The following MEI4 variants were observed in gnomAD, a reference collection of about 807,000 sequenced individuals.
MEI4 encodes meiotic double-stranded break formation protein 4, also known as meiosis-specific protein MEI4.
MEI4 carries 27 observed loss-of-function variants against 31.4 expected under a neutral mutation model. That is an observed-to-expected ratio of 0.86 (90% confidence interval 0.63 to 1.19). MEI4 has a LOEUF of 1.19. MEI4 is among the 50% of genes most tolerant of loss of function. The pLI is 0.00. For synonymous variants in MEI4, 122 were observed against 145.4 expected (o/e 0.84, Z 1.16); for missense variants, 329 against 398.9 (o/e 0.82, Z 1.49).
At chr6:77,804,629 T>C (rs1486583686) in intron 3 of MEI4, among the ~76,000 whole-genome samples, 2 of 152,202 alleles carry the variant, frequency 1.3e-5, no homozygotes, top group African/African-American at 4.8e-5. Flanking sequence ...TTCTTTTTGC[T>C]TTATTAGTAG....
intron 4 of MEI4, among the ~76,000 whole-genome samples, chr6:77,913,654 G>A (rs955099663): frequency 1.3e-5 from 2 of 150,256 alleles, no homozygotes; most frequent in African/African-American, 2.4e-5. Context: ...ATTTCTGCTT[G>A]TATTTATTTG....
chr6:77,849,949 T>A (rs1770576214), intron 4 of MEI4, among the ~76,000 whole-genome samples: 1 of 152,184 alleles, frequency 6.6e-6, no homozygotes, highest in Admixed American at 6.6e-5. Context: ...TATTAAAGTA[T>A]AAAAGCAGTG....
chr6:77,668,811 C>G (rs1442458451), intron 1 of MEI4, among the ~76,000 whole-genome samples: 4 of 152,146 alleles, frequency 2.6e-5, no homozygotes, highest in African/African-American at 9.7e-5. Flanking sequence ...TATAATCTAT[C>G]ATACCATAAC....
intron 4 of MEI4, among the ~76,000 whole-genome samples, 160 bp from the exon 5 acceptor site, chr6:77,922,929 A>ATGT (rs1200710736): frequency 2.0e-5 from 3 of 151,746 alleles, no homozygotes; most frequent in African/African-American, 4.8e-5. Flanking sequence ...AATAAAGGAA[A>ATGT]TGTTTTTTAT....
chr6:77,675,889 G>A (rs1768835926), intron 1 of MEI4, among the ~76,000 whole-genome samples: 1 of 152,144 alleles, frequency 6.6e-6, no homozygotes, highest in South Asian at 2.1e-4. Flanking sequence ...TGTCCCTGAG[G>A]TGTTTCATTG....
At chr6:77,831,437 C>T (rs1428475401) in intron 4 of MEI4, among the ~76,000 whole-genome samples, 1 of 151,670 alleles carries the variant, frequency 6.6e-6, no homozygotes, top group South Asian at 2.1e-4. Context: ...CCGGCACTCA[C>T]ATGCTCACAG....
chr6:77,907,590 A>G (rs17348123), intron 4 of MEI4, among the ~76,000 whole-genome samples: 2 of 152,180 alleles, frequency 1.3e-5, no homozygotes, highest in Non-Finnish European at 2.9e-5. Flanking sequence ...TAGTGCTGCA[A>G]TAAACATATG....
Position 77,735,100 on chromosome 6 carries a change from C to T in MEI4, c.233-26030C>T, listed in dbSNP as rs192489599. Among the ~76,000 whole-genome samples the T allele has an allele frequency of 4.4e-4, 67 of 152,078 alleles. 1 individual carries two copies. Among genetic ancestry groups the T allele is most frequent in the African/African-American group, 1.4e-3 (60 of 41,408 alleles). On this transcript the variant is annotated intron_variant, in intron 2 of 4. Transcript: ENST00000684080. The stretch of plus-strand genomic sequence containing the variant: ...CTTCATTTCTACTTCGGTGAACTGA[C>T]AATTATGTGTCTTGGAGTTGCTCTT...
chr6:77,793,926 A>G (rs1333495355), intron 3 of MEI4, among the ~76,000 whole-genome samples: 1 of 152,200 alleles, frequency 6.6e-6, no homozygotes, highest in Non-Finnish European at 1.5e-5. Context: ...TGGAAATAGT[A>G]AGTCCTTACC....
chr6:77,881,161 G>GT (rs1771480220), intron 4 of MEI4, among the ~76,000 whole-genome samples: 1 of 151,394 alleles, frequency 6.6e-6, no homozygotes, highest in African/African-American at 2.4e-5. Context: ...GCAGGGCACT[G>GT]ATTCTCTGTG....
intron 4 of MEI4, among the ~76,000 whole-genome samples, chr6:77,854,919 A>G (rs1369090681): frequency 6.6e-6 from 1 of 151,034 alleles, no homozygotes; most frequent in Non-Finnish European, 1.5e-5. Context: ...CACTGGTTTC[A>G]AAGCCACTAA....
chr6:77,657,797 T>C (rs1424966366), intron 1 of MEI4, among the ~76,000 whole-genome samples: 1 of 152,210 alleles, frequency 6.6e-6, no homozygotes, highest in Non-Finnish European at 1.5e-5. Context: ...TGCTCTCTGC[T>C]CTGTTCACCC....
chr6:77,792,626 T>C (rs895281283), intron 3 of MEI4, among the ~76,000 whole-genome samples: 1 of 152,212 alleles, frequency 6.6e-6, no homozygotes, highest in South Asian at 2.1e-4. Flanking sequence ...GTTTAAATCT[T>C]TAAGCAATTT....
chr6:77,784,709 G>A (rs1768686412), intron 3 of MEI4, among the ~76,000 whole-genome samples: 2 of 152,128 alleles, frequency 1.3e-5, no homozygotes, highest in South Asian at 4.1e-4. Flanking sequence ...TGGATGCTGA[G>A]CAGTGTTAAA....
intron 2 of MEI4, among the ~76,000 whole-genome samples, chr6:77,753,096 T>A (rs981919995): frequency 7.2e-5 from 11 of 152,110 alleles, no homozygotes; most frequent in African/African-American, 2.7e-4. Flanking sequence ...TACACAAAAA[T>A]TAACTCAAGA....
At chr6:77,746,130 C>T (rs898585687) in intron 2 of MEI4, among the ~76,000 whole-genome samples, 2 of 152,064 alleles carry the variant, frequency 1.3e-5, no homozygotes, top group African/African-American at 4.8e-5. Context: ...CAGAGCAGAA[C>T]TGAAGGAAAT....
intron 4 of MEI4, among the ~76,000 whole-genome samples, chr6:77,874,336 G>A (rs1379904170): frequency 6.6e-6 from 1 of 152,096 alleles, no homozygotes; most frequent in Admixed American, 6.6e-5. Context: ...TTGTAAGTTG[G>A]ATTCCTAGGT....
At chr6:77,869,360 AT>A (rs765331979) in intron 4 of MEI4, among the ~76,000 whole-genome samples, 19 of 152,162 alleles carry the variant, frequency 1.2e-4, no homozygotes, top group Non-Finnish European at 1.8e-4. Flanking sequence ...ATGTGATCAT[AT>A]TTAGAAACAA....
At chr6:77,904,678 A>C (rs937727836) in intron 4 of MEI4, among the ~76,000 whole-genome samples, 1 of 152,268 alleles carries the variant, frequency 6.6e-6, no homozygotes, top group Non-Finnish European at 1.5e-5. Context: ...TCCATGATGT[A>C]TATGCACCAC....
Sources: gnomAD v4.1 joint callset for allele counts (sites outside exome capture counted in the v4.1 genomes callset) on GRCh38, gnomAD v4.1.1 for gene constraint, MANE v1.5 for transcripts, NCBI Gene and HGNC (gene_info 2026-07-23, HGNC 2026-07-21) for gene names.